Variants in PRKCB observed in about 807,000 individuals in gnomAD.
The protein encoded by PRKCB is protein kinase C beta.
A neutral mutation model predicts 81.5 loss-of-function variants in PRKCB; 13 were observed. The observed-to-expected ratio is 0.16, with a 90% CI of 0.10 to 0.25. The LOEUF is 0.25. Among genes scored for constraint, PRKCB ranks in the 10% least tolerant of loss-of-function variants. PRKCB has a pLI of 1.00. For missense variants in PRKCB, 509 were observed against 875.7 expected, an observed-to-expected ratio of 0.58 and a Z score of 5.29; for synonymous variants, 335 against 321.4, an observed-to-expected ratio of 1.04 and a Z score of -0.45.
Position 24,219,325 on chromosome 16 carries a change from G to C in PRKCB, c.*4509G>C, listed in dbSNP as rs1469481874. The C allele has an allele frequency of 3.1e-6, 3 of 952,934 alleles. No individual in the cohort carries two copies. The highest frequency in any genetic ancestry group is 3.7e-6 in the Non-Finnish European group (3 of 819,630). The allele number at this position is 952,934 out of a possible 1,614,324, so 59.0% of individuals were successfully genotyped here. A position where few individuals can be genotyped will look rare whatever the true frequency, so the allele number is the denominator to read the frequency against. ...TAAGCTTTGGGTTTTCTCTCTTATA[G>C]TTTGTTGACACATGCTAAAAATGTC... On this transcript the variant is annotated 3_prime_UTR_variant, in exon 17 of 17. Coordinates refer to ENST00000643927, the MANE Select transcript of PRKCB (RefSeq NM_002738.7).
chr16:23,847,350 A>C (rs1962387648), intron 2 of PRKCB, among the ~76,000 whole-genome samples: 1 of 117,604 alleles, frequency 8.5e-6, no homozygotes, highest in Non-Finnish European at 1.7e-5. Flanking sequence ...CTATCTATCT[A>C]TCTATCTATC....
chr16:23,982,038 A>T (rs1019689324), intron 2 of PRKCB, among the ~76,000 whole-genome samples: 1 of 11,404 alleles, frequency 8.8e-5, no homozygotes, highest in African/African-American at 4.9e-4. Context: ...CTTTCCCTTC[A>T]CCTTCCCCTT....
chr16:24,191,141 C>T lies in PRKCB; in HGVS notation c.1774C>T (p.Arg592Cys), dbSNP rs767640161. 24 of 1,613,876 alleles carry T rather than the reference C, an allele frequency of 1.5e-5. No individual in the cohort carries two copies. The highest frequency in any genetic ancestry group is 6.6e-5 in the South Asian group (6 of 91,078). ...TCTGGGTTGTGGACCTGAAGGCGAACGTGATATCAAAGAGCATGCATTTTT... is the reference window on the plus strand; with the variant it reads ...TCTGGGTTGTGGACCTGAAGGCGAATGTGATATCAAAGAGCATGCATTTTT... ...KRLGCGPEGE[R>C]DIKEHAFFRY... Residue 592 changes from arginine (R) to cysteine (C), a missense_variant, in exon 16 of 17, where the codon CGT becomes TGT. Physicochemically the swap from Arg to Cys is radical, Grantham distance 180. This residue lies in a region of PRKCB where 104 missense variants were observed against 160.5 expected (regional missense o/e 0.65). Coordinates refer to ENST00000643927, the MANE Select transcript of PRKCB (RefSeq NM_002738.7).
intron 2 of PRKCB, among the ~76,000 whole-genome samples, chr16:23,864,564 A>G (rs1268757990): frequency 6.6e-6 from 1 of 152,166 alleles, no homozygotes; most frequent in Non-Finnish European, 1.5e-5. Context: ...AGATTATGAT[A>G]AGTGATGGAA....
intron 2 of PRKCB, among the ~76,000 whole-genome samples, chr16:23,864,548 C>T (rs968609039): frequency 6.6e-6 from 1 of 152,072 alleles, no homozygotes; most frequent in Non-Finnish European, 1.5e-5. Flanking sequence ...AATAAGAGGT[C>T]GTTCTAGATT....
At chr16:24,021,095 C>CTTTCTCTT (rs1965376249) in intron 3 of PRKCB, among the ~76,000 whole-genome samples, 1 of 120,286 alleles carries the variant, frequency 8.3e-6, no homozygotes, top group African/African-American at 3.3e-5. Flanking sequence ...TTCTTTTTTT[C>CTTTCTCTT]TTTCTTTCTT....
At position 24,215,057 on chromosome 16, in the gene PRKCB, T is replaced by TA. The variant is rs2141996057; in HGVS notation, c.*242dup. 1.6e-6 allele frequency: 2 copies of TA among 1,261,108 alleles called. No individual in the cohort carries two copies. The highest frequency in any genetic ancestry group is 3.4e-5 in the East Asian group (1 of 29,034). The allele number at this position is 1,261,108 out of a possible 1,614,324, so 78.1% of individuals were successfully genotyped here. On this transcript the variant is annotated 3_prime_UTR_variant, in exon 17 of 17. Transcript: ENST00000643927. ...AATTAACACATTATCAAAGTCCTCT[T>TA]ACAATTTATTTTCCGCAGCATGTCA... is the stretch of plus-strand genomic sequence containing the variant.
intron 5 of PRKCB, among the ~76,000 whole-genome samples, chr16:24,037,096 C>A (rs1314439563): frequency 6.6e-6 from 1 of 152,178 alleles, no homozygotes; most frequent in African/African-American, 2.4e-5. Flanking sequence ...TCAAGCGATT[C>A]TCCTGCCTCA....
chr16:23,979,566 G>T (rs1269486341), intron 2 of PRKCB, among the ~76,000 whole-genome samples: 1 of 152,024 alleles, frequency 6.6e-6, no homozygotes, highest in East Asian at 1.9e-4. Context: ...GAGTCGGGGG[G>T]AATGTACAGG....
chr16:23,878,678 A>G (rs189881715), intron 2 of PRKCB, among the ~76,000 whole-genome samples: 2 of 152,356 alleles, frequency 1.3e-5, no homozygotes, highest in Admixed American at 1.3e-4. Context: ...TCATGAAAGA[A>G]CCTTGAGTAT....
chr16:23,935,130 A>G (rs1252507597), intron 2 of PRKCB, among the ~76,000 whole-genome samples: 1 of 152,142 alleles, frequency 6.6e-6, no homozygotes, highest in Non-Finnish European at 1.5e-5. Flanking sequence ...ATGCCAACTC[A>G]GGAGGTTGTC....
chr16:24,215,561 C>A lies in PRKCB; in HGVS notation c.*745C>A. On this transcript the variant is annotated 3_prime_UTR_variant, in exon 17 of 17. Coordinates refer to ENST00000643927, the MANE Select transcript of PRKCB (RefSeq NM_002738.7). Reference sequence around the variant, plus strand: ...AAACAACACAGTCACTCTAGCAAGGCCCCCAAAGGGCCCTGGTTTTACATT... The same window carrying A: ...AAACAACACAGTCACTCTAGCAAGGACCCCAAAGGGCCCTGGTTTTACATT... 4 of 985,602 alleles carry A rather than the reference C, an allele frequency of 4.1e-6. No homozygotes were observed. Among genetic ancestry groups the A allele is most frequent in the Non-Finnish European group, 4.8e-6 (4 of 829,842 alleles). The allele number at this position is 985,602 out of a possible 1,614,324, so 61.1% of individuals were successfully genotyped here. A position where few individuals can be genotyped will look rare whatever the true frequency, so the allele number is the denominator to read the frequency against.
At chr16:23,948,853 C>G (rs1235848417) in intron 2 of PRKCB, among the ~76,000 whole-genome samples, 1 of 152,172 alleles carries the variant, frequency 6.6e-6, no homozygotes, top group East Asian at 1.9e-4. Context: ...TCCAGATCCT[C>G]TGGTTCCAAA....
At chr16:24,180,217 G>A (rs1035828282) in intron 12 of PRKCB, among the ~76,000 whole-genome samples, 8 of 152,076 alleles carry the variant, frequency 5.3e-5, no homozygotes, top group Non-Finnish European at 1.2e-4. Flanking sequence ...TGCTGGAATC[G>A]CAGGCGTGAG....
intron 2 of PRKCB, among the ~76,000 whole-genome samples, chr16:23,917,050 A>G (rs1963751810): frequency 6.6e-6 from 1 of 152,042 alleles, no homozygotes; most frequent in Admixed American, 6.6e-5. Context: ...TGTTGGGGTT[A>G]CAAGAGTGAG....
At chr16:23,882,467 C>T (rs1157179111) in intron 2 of PRKCB, among the ~76,000 whole-genome samples, 1 of 152,146 alleles carries the variant, frequency 6.6e-6, no homozygotes, top group South Asian at 2.1e-4. Flanking sequence ...TCAAGTGATC[C>T]TCCCACCTCA....
intron 9 of PRKCB, among the ~76,000 whole-genome samples, chr16:24,136,150 T>C (rs1199446170): frequency 6.6e-6 from 1 of 151,548 alleles, no homozygotes; most frequent in East Asian, 1.9e-4. Context: ...GAGGCCCTTC[T>C]TCCACCTTCC....
At chr16:24,006,108 C>A (rs1280913006) in intron 3 of PRKCB, among the ~76,000 whole-genome samples, 1 of 152,182 alleles carries the variant, frequency 6.6e-6, no homozygotes, top group African/African-American at 2.4e-5. Context: ...CTATTATCTC[C>A]CTACATCTGA....
At chr16:24,014,245 A>G (rs1965244618) in intron 3 of PRKCB, among the ~76,000 whole-genome samples, 2 of 151,226 alleles carry the variant, frequency 1.3e-5, no homozygotes, top group Non-Finnish European at 3.0e-5. Flanking sequence ...CACTTCCCTT[A>G]GTTGGCTTAC....
Sources: gnomAD v4.1 joint callset for allele counts (sites outside exome capture counted in the v4.1 genomes callset) on GRCh38, gnomAD v4.1.1 for gene constraint, gnomAD v4.1.1 regional missense constraint, MANE v1.5 for transcripts, NCBI Gene and HGNC (gene_info 2026-07-23, HGNC 2026-07-21) for gene names.